The following ZBTB20 variants were observed in gnomAD, a reference collection of about 807,000 sequenced individuals.
ZBTB20 encodes the protein zinc finger and BTB domain containing 20, also known as zinc finger and BTB domain-containing protein 20.
A neutral mutation model predicts 56.9 loss-of-function variants in ZBTB20; 9 were observed. That is an observed-to-expected ratio of 0.16 (90% confidence interval 0.10 to 0.28). The LOEUF is 0.28. Ranked by LOEUF, ZBTB20 falls within the 10% of genes least tolerant of loss-of-function variation. The probability of loss-of-function intolerance (pLI) is 1.00; values close to 1 mark genes in which losing one functional copy is unlikely to be tolerated. For synonymous variants in ZBTB20, 417 were observed against 420.7 expected (o/e 0.99, Z 0.11); for missense variants, 655 against 1,003.0 (o/e 0.65, Z 4.69).
intron 6 of ZBTB20, among the ~76,000 whole-genome samples, chr3:114,651,301 T>C (rs564922382): frequency 1.1e-3 from 161 of 152,096 alleles, no homozygotes; most frequent in African/African-American, 3.5e-3. Flanking sequence ...CAAGACCTGA[T>C]GGCACTTAAG....
At chr3:115,101,587 T>C (rs1178946215) in intron 1 of ZBTB20, among the ~76,000 whole-genome samples, 1 of 152,202 alleles carries the variant, frequency 6.6e-6, no homozygotes, top group Non-Finnish European at 1.5e-5. Context: ...CACTATTATC[T>C]ATCTAGACAC....
chr3:114,810,698 A>G (rs1158965138), intron 4 of ZBTB20, among the ~76,000 whole-genome samples: 1 of 152,162 alleles, frequency 6.6e-6, no homozygotes, highest in Non-Finnish European at 1.5e-5. Context: ...GTGGGCATAA[A>G]CGACTTATGC....
intron 5 of ZBTB20, among the ~76,000 whole-genome samples, chr3:114,737,588 AC>A (rs2066269213): frequency 6.6e-6 from 1 of 152,186 alleles, no homozygotes; most frequent in African/African-American, 2.4e-5. Flanking sequence ...TTCAGAATCT[AC>A]ACGGATAACT....
Position 114,329,444 on chromosome 3 carries a change from T to C in ZBTB20, c.*9561A>G, listed in dbSNP as rs1422601060. On this transcript the variant is annotated 3_prime_UTR_variant, in exon 12 of 12. Transcript: ENST00000675478. ...AGCTGAGGGAAGCTGAAGACTCTTATCTGAAAATATGATCTGAAAATATTT... is the reference window on the plus strand; with the variant it reads ...AGCTGAGGGAAGCTGAAGACTCTTACCTGAAAATATGATCTGAAAATATTT... 6.6e-6 allele frequency: 1 copy of C among 152,076 alleles called. No homozygotes were observed. Among genetic ancestry groups the C allele is most frequent in the Non-Finnish European group, 1.5e-5 (1 of 67,994 alleles). The allele number at this position is 152,076 out of a possible 1,614,324, so 9.4% of individuals were successfully genotyped here. A position where few individuals can be genotyped will look rare whatever the true frequency, so the allele number is the denominator to read the frequency against.
At chr3:114,376,547 T>C (rs931002258) in intron 10 of ZBTB20, among the ~76,000 whole-genome samples, 1 of 151,896 alleles carries the variant, frequency 6.6e-6, no homozygotes, top group Admixed American at 6.6e-5. Context: ...AAGCAAATGG[T>C]TGGGAGGGGG....
At chr3:114,540,062 C>T (rs1401535382) in intron 6 of ZBTB20, among the ~76,000 whole-genome samples, 2 of 152,028 alleles carry the variant, frequency 1.3e-5, no homozygotes, top group Non-Finnish European at 2.9e-5. Context: ...CTCCCTCCTC[C>T]CATACTCCAT....
chr3:114,434,541 G>GTGTGTGTGTGTGTTTGTGT (rs2090363947), intron 7 of ZBTB20, among the ~76,000 whole-genome samples: 3 of 85,736 alleles, frequency 3.5e-5, no homozygotes, highest in South Asian at 4.2e-4. Context: ...CTGCAATTGG[G>GTGTGTGTGTGTGTTTGTGT]GTGTGTGTGT....
In ZBTB20 at chr3:114,939,881, T is replaced by G. The variant is rs994297840; in HGVS notation, c.-456+34485A>C. On this transcript the variant is annotated intron_variant, in intron 3 of 11. Transcript: ENST00000675478. ...AGACCCAGTCTCTAAAAACAAATTC[T>G]GGAAAACAGCTTCATGGCTCCAACA... Among the ~76,000 whole-genome samples, 10 of 146,082 alleles carry G rather than the reference T, an allele frequency of 6.8e-5. 1 individual carries two copies. Among genetic ancestry groups the G allele is most frequent in the African/African-American group, 2.8e-5 (1 of 35,824 alleles).
intron 2 of ZBTB20, among the ~76,000 whole-genome samples, chr3:114,998,294 A>G (rs1208744850): frequency 6.6e-6 from 1 of 151,770 alleles, no homozygotes; most frequent in African/African-American, 2.4e-5. Flanking sequence ...ACGTCTTTGT[A>G]TCACATGTAT....
chr3:114,730,385 T>C (rs1028256760), intron 5 of ZBTB20, among the ~76,000 whole-genome samples: 1 of 152,178 alleles, frequency 6.6e-6, no homozygotes, highest in African/African-American at 2.4e-5. Flanking sequence ...TTAAACACCT[T>C]GGTCTTAGGA....
intron 2 of ZBTB20, among the ~76,000 whole-genome samples, chr3:115,009,469 A>G (rs1487691094): frequency 1.3e-5 from 2 of 151,928 alleles, no homozygotes; most frequent in Non-Finnish European, 2.9e-5. Context: ...CCAGTAAAAT[A>G]ATTACGTTCT....
chr3:114,777,613 G>A (rs146430285), intron 5 of ZBTB20, among the ~76,000 whole-genome samples: 9,009 of 152,270 alleles, frequency 0.059, 295 homozygotes, highest in Middle Eastern at 0.13. Flanking sequence ...TGGAGAGGAT[G>A]TGGATAAATA....
At chr3:114,996,012 G>C (rs1243816435) in intron 2 of ZBTB20, among the ~76,000 whole-genome samples, 2 of 151,762 alleles carry the variant, frequency 1.3e-5, no homozygotes, top group African/African-American at 2.4e-5. Flanking sequence ...GAAGTTCCAT[G>C]TATCAGTCAA....
intron 2 of ZBTB20, among the ~76,000 whole-genome samples, chr3:115,061,048 G>A (rs2108476171): frequency 6.6e-6 from 1 of 152,186 alleles, no homozygotes; most frequent in Middle Eastern, 3.4e-3. Context: ...AAGTTATGAT[G>A]TTCAGTCAAA....
At chr3:115,035,570 C>CACACACACACACAA (rs370833677) in intron 2 of ZBTB20, among the ~76,000 whole-genome samples, 2 of 151,400 alleles carry the variant, frequency 1.3e-5, no homozygotes, top group African/African-American at 4.9e-5. Context: ...CACACACACA[C>CACACACACACACAA]AAAACAAGTT....
At chr3:114,358,501 G>A (rs1473254470) in intron 10 of ZBTB20, among the ~76,000 whole-genome samples, 1 of 152,160 alleles carries the variant, frequency 6.6e-6, no homozygotes, top group Admixed American at 6.5e-5. Context: ...CAGGTCCAAA[G>A]GAGAAAGTAA....
intron 2 of ZBTB20, among the ~76,000 whole-genome samples, chr3:115,024,849 A>G (rs1223386082): frequency 6.6e-6 from 1 of 151,244 alleles, no homozygotes; most frequent in Non-Finnish European, 1.5e-5. Context: ...AATTGAATTT[A>G]ATTGTTGTTA....
chr3:114,725,416 T>TA (rs35573537), intron 5 of ZBTB20, among the ~76,000 whole-genome samples: 54,776 of 152,054 alleles, frequency 0.36, 11,807 homozygotes, highest in African/African-American at 0.58. Context: ...ACAGGTTTCA[T>TA]AAAATTGGTA....
chr3:114,847,302 A>G (rs1231546485), intron 4 of ZBTB20, among the ~76,000 whole-genome samples: 2 of 149,454 alleles, frequency 1.3e-5, no homozygotes, highest in African/African-American at 4.9e-5. Flanking sequence ...AAAAAAAAAG[A>G]AACACTACAT....
Sources: allele counts gnomAD v4.1 joint callset (sites outside exome capture counted in the v4.1 genomes callset), GRCh38; gene constraint gnomAD v4.1.1; transcripts MANE v1.5; gene names NCBI Gene and HGNC (gene_info 2026-07-23, HGNC 2026-07-21).